Variants in SORCS3 observed in about 807,000 individuals in gnomAD.
The protein encoded by SORCS3 is VPS10 domain-containing receptor SorCS3.
A neutral mutation model predicts 146.3 loss-of-function variants in SORCS3; 57 were observed. The observed-to-expected ratio is 0.39, with a 90% CI of 0.31 to 0.49. The LOEUF is 0.49. SORCS3 is among the 20% of genes least tolerant of loss of function. The probability of loss-of-function intolerance (pLI) is 0.92; values close to 1 mark genes in which losing one functional copy is unlikely to be tolerated. For missense variants in SORCS3, 1,341 were observed against 1,575.5 expected, an observed-to-expected ratio of 0.85 and a Z score of 2.52; for synonymous variants, 653 against 618.5, an observed-to-expected ratio of 1.06 and a Z score of -0.83.
At chr10:104,838,948 G>T (rs1049887217) in intron 1 of SORCS3, among the ~76,000 whole-genome samples, 1 of 152,168 alleles carries the variant, frequency 6.6e-6, no homozygotes, top group African/African-American at 2.4e-5. Context: ...GGGGTACTTG[G>T]TCAAGGTCAG....
chr10:104,656,293 T>G (rs928067267), intron 1 of SORCS3, among the ~76,000 whole-genome samples: 3 of 151,426 alleles, frequency 2.0e-5, no homozygotes, highest in Non-Finnish European at 2.9e-5. Flanking sequence ...TGGGGGATGG[T>G]GAGAGATGAG....
chr10:105,234,785 A>G (rs1586204), intron 20 of SORCS3, among the ~76,000 whole-genome samples: 9,993 of 152,020 alleles, frequency 0.066, 410 homozygotes, highest in Middle Eastern at 0.16. Context: ...TACCTTATCC[A>G]TGAAATCTTT....
chr10:104,822,191 T>G (rs765792410), intron 1 of SORCS3: 2 of 466,422 alleles, frequency 4.3e-6, no homozygotes, highest in African/African-American at 4.0e-5. Context: ...ACTGAGGCCT[T>G]AATTCCCAAG....
intron 1 of SORCS3, among the ~76,000 whole-genome samples, chr10:104,707,131 A>G (rs1335649209): frequency 6.6e-6 from 1 of 152,200 alleles, no homozygotes; most frequent in Non-Finnish European, 1.5e-5. Flanking sequence ...CCAGAAAAAC[A>G]TACTGATGTA....
intron 23 of SORCS3, among the ~76,000 whole-genome samples, chr10:105,254,870 C>T (rs2056920930): frequency 6.6e-6 from 1 of 152,242 alleles, no homozygotes; most frequent in African/African-American, 2.4e-5. Flanking sequence ...TTTCCATCCA[C>T]ATTTTGTTGA....
At chr10:105,061,073 T>C (rs987769714) in intron 5 of SORCS3, among the ~76,000 whole-genome samples, 7 of 152,208 alleles carry the variant, frequency 4.6e-5, no homozygotes, top group African/African-American at 1.7e-4. Context: ...TGGAAACAAA[T>C]TCACAAGTTA....
intron 6 of SORCS3, among the ~76,000 whole-genome samples, chr10:105,104,989 C>T (rs2055811033): frequency 6.6e-6 from 1 of 152,096 alleles, no homozygotes; most frequent in Non-Finnish European, 1.5e-5. Context: ...TATCGTTGCC[C>T]TTGCCTCTGT....
intron 3 of SORCS3, among the ~76,000 whole-genome samples, chr10:104,960,113 G>A (rs1525390): frequency 0.07 from 10,647 of 152,132 alleles, 1,215 homozygotes; most frequent in African/African-American, 0.24. Flanking sequence ...CATGTGATAC[G>A]ATACTTACTG....
chr10:105,000,132 A>C (rs2055052276), intron 4 of SORCS3, among the ~76,000 whole-genome samples: 2 of 152,188 alleles, frequency 1.3e-5, no homozygotes, highest in South Asian at 4.1e-4. Flanking sequence ...CCAAGCCAAC[A>C]AAAAGACAAG....
At chr10:104,975,637 A>G (rs1414113063) in intron 3 of SORCS3, among the ~76,000 whole-genome samples, 1 of 152,242 alleles carries the variant, frequency 6.6e-6, no homozygotes, top group African/African-American at 2.4e-5. Context: ...AGCTGGAGGC[A>G]TCACGTTACC....
At chr10:104,713,378 C>T (rs1326500045) in intron 1 of SORCS3, among the ~76,000 whole-genome samples, 2 of 152,268 alleles carry the variant, frequency 1.3e-5, no homozygotes, top group South Asian at 2.1e-4. Context: ...TTGTCCTTTT[C>T]TGTGGGATGT....
intron 20 of SORCS3, among the ~76,000 whole-genome samples, chr10:105,228,370 CTCT>C (rs1251923306): frequency 6.7e-6 from 1 of 150,268 alleles, no homozygotes; most frequent in African/African-American, 2.5e-5. Context: ...CTTTCTTTCT[CTCT>C]TTTCTTTCTT....
chr10:104,925,391 G>A (rs1466931195), intron 3 of SORCS3, among the ~76,000 whole-genome samples: 2 of 152,230 alleles, frequency 1.3e-5, no homozygotes, highest in East Asian at 3.9e-4. Context: ...TTTGTCCAAG[G>A]CAAACATGAT....
intron 13 of SORCS3, among the ~76,000 whole-genome samples, chr10:105,170,224 A>T (rs2056347868): frequency 6.6e-6 from 1 of 152,104 alleles, no homozygotes; most frequent in Non-Finnish European, 1.5e-5. Flanking sequence ...AGACTGCCTC[A>T]CTTCCAAACG....
At chr10:105,123,525 A>C (rs1589644697) in intron 7 of SORCS3, among the ~76,000 whole-genome samples, 3 of 152,312 alleles carry the variant, frequency 2.0e-5, no homozygotes, top group Admixed American at 2.0e-4. Flanking sequence ...AGTAAAAAAG[A>C]AATAAAAATC....
chr10:104,648,504 G>T (rs539775727), intron 1 of SORCS3, among the ~76,000 whole-genome samples: 19 of 152,294 alleles, frequency 1.2e-4, no homozygotes, highest in African/African-American at 4.3e-4. Flanking sequence ...TTTAGGAATA[G>T]ATTCTTTCCT....
rs550422611 is a variant in SORCS3, at chr10:104,838,009, A to T, written c.628-4783A>T. Among the ~76,000 whole-genome samples, 107 of 152,110 alleles carry T rather than the reference A, an allele frequency of 7.0e-4. 1 individual carries two copies. Among genetic ancestry groups the T allele is most frequent in the Non-Finnish European group, 1.3e-3 (90 of 68,024 alleles). Reference sequence around the variant, plus strand: ...TTAACCCTTGGGACTCTGTTTCTTTATCTGTAAAATGGGCGATATTATATA... The same window carrying T: ...TTAACCCTTGGGACTCTGTTTCTTTTTCTGTAAAATGGGCGATATTATATA... On this transcript the variant is annotated intron_variant, in intron 1 of 26. Transcript: ENST00000369701.
chr10:105,244,794 C>T (rs541057432), intron 20 of SORCS3, among the ~76,000 whole-genome samples: 8 of 152,074 alleles, frequency 5.3e-5, no homozygotes, highest in Non-Finnish European at 1.0e-4. Flanking sequence ...TGCGGCCGGG[C>T]GCAGTGGTTC....
chr10:104,815,152 A>G (rs142581983), intron 1 of SORCS3, among the ~76,000 whole-genome samples: 92 of 152,282 alleles, frequency 6.0e-4, no homozygotes, highest in Non-Finnish European at 1.1e-3. Flanking sequence ...AGTTATCACC[A>G]CTGTAAAGAA....
Sources: gnomAD v4.1 joint callset for allele counts (sites outside exome capture counted in the v4.1 genomes callset) on GRCh38, gnomAD v4.1.1 for gene constraint, MANE v1.5 for transcripts, NCBI Gene and HGNC (gene_info 2026-07-23, HGNC 2026-07-21) for gene names.